IMMP2L: variants seen among roughly 807,000 people sequenced by gnomAD.
IMMP2L encodes mitochondrial inner membrane protease subunit 2.
A neutral mutation model predicts 19.3 loss-of-function variants in IMMP2L; 18 were observed. The ratio of observed to expected loss-of-function variants is 0.93; its 90% confidence interval spans 0.64 to 1.38. IMMP2L has a LOEUF of 1.38. Ranked by LOEUF, IMMP2L falls within the 40% of genes most tolerant of loss-of-function variation. The pLI, the probability that IMMP2L is intolerant of heterozygous loss-of-function variation, is 0.00. For synonymous variants in IMMP2L, 76 were observed against 73.0 expected (o/e 1.04, Z -0.21); for missense variants, 233 against 218.2 (o/e 1.07, Z -0.43).
At chr7:110,984,291 C>CAAA (rs570938609) in intron 3 of IMMP2L, among the ~76,000 whole-genome samples, 4 of 130,572 alleles carry the variant, frequency 3.1e-5, no homozygotes, top group African/African-American at 8.2e-5. Context: ...TACTTATCAC[C>CAAA]AAAAAAAAAA....
At chr7:111,037,930 A>T (rs1457707775) in intron 3 of IMMP2L, among the ~76,000 whole-genome samples, 1 of 152,120 alleles carries the variant, frequency 6.6e-6, no homozygotes, top group Non-Finnish European at 1.5e-5. Context: ...AGAGGTAAAA[A>T]AGTTGCGGGG....
intron 3 of IMMP2L, among the ~76,000 whole-genome samples, chr7:111,390,922 T>A (rs1033281635): frequency 3.9e-5 from 6 of 152,124 alleles, no homozygotes; most frequent in Admixed American, 6.6e-5. Flanking sequence ...AATTATAGGA[T>A]AAATTCAAGA....
At position 111,486,609 on chromosome 7, in the gene IMMP2L, C is replaced by T. The variant is rs573345177; in HGVS notation, c.239+629G>A. The stretch of plus-strand genomic sequence containing the variant: ...ACTTTTAAAGCAAACAAACAAAAAT[C>T]TCCAAACCATTTAGGCCTGTCCTAG... On this transcript the variant is annotated intron_variant, in intron 3 of 5. Coordinates refer to ENST00000405709, the MANE Select transcript of IMMP2L (RefSeq NM_032549.4). Among the ~76,000 whole-genome samples, 12 of 152,246 alleles carry T rather than the reference C, an allele frequency of 7.9e-5. No individual in the cohort carries two copies. In the South Asian group the frequency reaches 2.3e-3, roughly 29 times the overall value.
At chr7:111,093,171 T>C (rs1293762023) in intron 3 of IMMP2L, among the ~76,000 whole-genome samples, 1 of 152,176 alleles carries the variant, frequency 6.6e-6, no homozygotes, top group East Asian at 1.9e-4. Context: ...CTCTGTAAGA[T>C]GAACAAGTTT....
intron 3 of IMMP2L, among the ~76,000 whole-genome samples, chr7:111,426,046 G>A (rs1263282513): frequency 2.0e-5 from 3 of 150,932 alleles, no homozygotes; most frequent in Non-Finnish European, 3.0e-5. Context: ...GGGCATTTTC[G>A]GGACCATGAA....
chr7:111,281,214 GAAA>G lies in IMMP2L; in HGVS notation c.239+206021_239+206023del, dbSNP rs376187303. 5.3e-3 allele frequency among the ~76,000 whole-genome samples: 164 copies of G among 30,790 alleles called. 5 individuals carry two copies. Among genetic ancestry groups the G allele is most frequent in the African/African-American group, 0.012 (95 of 7,952 alleles). The allele number at this position is 30,790 out of a possible 152,430, so 20.2% of individuals were successfully genotyped here. A position where few individuals can be genotyped will look rare whatever the true frequency, so the allele number is the denominator to read the frequency against. ...AGAAAGAAAGAAAGAAAGAAAGAAA[GAAA>G]AAGAAAGAAAGAAAGAAAGAAAGAA... On this transcript the variant is annotated intron_variant, in intron 3 of 5. Coordinates refer to ENST00000405709, the MANE Select transcript of IMMP2L (RefSeq NM_032549.4).
At chr7:111,333,835 C>T (rs1001122870) in intron 3 of IMMP2L, among the ~76,000 whole-genome samples, 1 of 152,082 alleles carries the variant, frequency 6.6e-6, no homozygotes, top group African/African-American at 2.4e-5. Context: ...GGCTTCCTTG[C>T]TCCGCAGCTT....
chr7:110,727,110 G>A lies in IMMP2L; in HGVS notation c.409-63389C>T, dbSNP rs1795934467. Among the ~76,000 whole-genome samples, 1 of 152,222 alleles carries A rather than the reference G, an allele frequency of 6.6e-6. No individual in the cohort carries two copies. Among genetic ancestry groups the A allele is most frequent in the African/African-American group, 2.4e-5 (1 of 41,460 alleles). ...CTTTAAAATCCTCCAAGTCCAGGCT[G>A]GGTGCAATGGCTCACGCCTATAATT... is the stretch of plus-strand genomic sequence containing the variant. On this transcript the variant is annotated intron_variant, in intron 5 of 5. Coordinates refer to ENST00000405709, the MANE Select transcript of IMMP2L (RefSeq NM_032549.4). The surrounding 1 kb of genome is among the most constrained non-coding windows in gnomAD (Gnocchi z 4.3).
At chr7:110,679,155 T>G (rs781320398) in intron 5 of IMMP2L, among the ~76,000 whole-genome samples, 13 of 152,040 alleles carry the variant, frequency 8.6e-5, no homozygotes, top group Non-Finnish European at 1.8e-4. Flanking sequence ...TATGCAAAAA[T>G]AGATACAAAA....
intron 5 of IMMP2L, among the ~76,000 whole-genome samples, chr7:110,856,810 T>G (rs1313227656): frequency 6.6e-6 from 1 of 152,074 alleles, no homozygotes; most frequent in East Asian, 1.9e-4. Context: ...TAGTTTAGGC[T>G]TCCTAAATGC....
chr7:111,087,427 C>A (rs1285340396), intron 3 of IMMP2L, among the ~76,000 whole-genome samples: 1 of 139,158 alleles, frequency 7.2e-6, no homozygotes, highest in Non-Finnish European at 1.5e-5. Flanking sequence ...CCAGCTTGGG[C>A]AACAGAGCAA....
At chr7:111,379,734 G>A (rs1022107811) in intron 3 of IMMP2L, among the ~76,000 whole-genome samples, 3 of 151,806 alleles carry the variant, frequency 2.0e-5, no homozygotes, top group African/African-American at 7.2e-5. Context: ...TAACAAAATT[G>A]TCTAACATGT....
At chr7:110,962,969 A>C in intron 4 of IMMP2L, 1 of 1,468,542 alleles carries the variant, frequency 6.8e-7, no homozygotes. Context: ...AAGTACAATA[A>C]ATACGACATT....
chr7:110,887,271 C>A (rs185280372), intron 4 of IMMP2L, among the ~76,000 whole-genome samples: 1 of 151,966 alleles, frequency 6.6e-6, no homozygotes, highest in African/African-American at 2.4e-5. Context: ...CTAAAGTATT[C>A]CTAAAAATGA....
intron 5 of IMMP2L, among the ~76,000 whole-genome samples, chr7:110,853,201 G>A (rs1278605320): frequency 2.0e-5 from 3 of 151,590 alleles, no homozygotes; most frequent in South Asian, 2.1e-4. Flanking sequence ...ATACACAAAT[G>A]CACAAAAAAT....
chr7:111,412,302 A>G (rs186666563), intron 3 of IMMP2L, among the ~76,000 whole-genome samples: 1 of 151,948 alleles, frequency 6.6e-6, no homozygotes, highest in African/African-American at 2.4e-5. Flanking sequence ...GGCACCATCA[A>G]CAAGTTGACC....
At chr7:111,430,444 C>T (rs1296835194) in intron 3 of IMMP2L, among the ~76,000 whole-genome samples, 1 of 151,534 alleles carries the variant, frequency 6.6e-6, no homozygotes, top group African/African-American at 2.4e-5. Flanking sequence ...TCTTTAACTT[C>T]TTTTCAAAAA....
chr7:111,012,521 T>C (rs186504783), intron 3 of IMMP2L, among the ~76,000 whole-genome samples: 2 of 152,264 alleles, frequency 1.3e-5, no homozygotes, highest in Admixed American at 1.3e-4. Flanking sequence ...GATATTAACA[T>C]AGGGGCAAAT....
chr7:110,736,720 A>G (rs1449192204), intron 5 of IMMP2L, among the ~76,000 whole-genome samples: 4 of 152,224 alleles, frequency 2.6e-5, no homozygotes, highest in Non-Finnish European at 4.4e-5. Flanking sequence ...AAATGGGAAC[A>G]TCTATTCTAT....
Sources: gnomAD v4.1 joint callset for allele counts (sites outside exome capture counted in the v4.1 genomes callset) on GRCh38, gnomAD v4.1.1 for gene constraint, Gnocchi (gnomAD v3.1) non-coding constraint, MANE v1.5 for transcripts, NCBI Gene and HGNC (gene_info 2026-07-23, HGNC 2026-07-21) for gene names.